The following MCM5 variants were observed in gnomAD, a reference collection of about 807,000 sequenced individuals.
MCM5 encodes DNA replication licensing factor MCM5.
Under a neutral mutation model 79.9 loss-of-function variants are expected in MCM5, and 46 were observed. The ratio of observed to expected loss-of-function variants is 0.58; its 90% CI spans 0.45 to 0.74. The LOEUF (loss-of-function observed/expected upper bound fraction) is 0.74, where lower values mean the gene tolerates loss of function less well. Among genes scored for constraint, MCM5 ranks in the 30% least tolerant of loss-of-function variants. The pLI is 0.00. For synonymous variants in MCM5, 404 were observed against 390.5 expected, an observed-to-expected ratio of 1.03 and a Z score of -0.41; for missense variants, 883 against 1,017.0, an observed-to-expected ratio of 0.87 and a Z score of 1.79.
At chr22:35,418,222 A>G (rs2071740) in intron 13 of MCM5, among the ~76,000 whole-genome samples, 14,580 of 152,196 alleles carry the variant, frequency 0.096, 760 homozygotes, top group East Asian at 0.13. Flanking sequence ...TGATTTCCCC[A>G]GGCCTATCGA....
the MCM5 span, among the ~76,000 whole-genome samples, chr22:35,438,674 C>CCCAT: frequency 1.1e-4 from 2 of 18,566 alleles, no homozygotes; most frequent in Non-Finnish European, 2.3e-4. Flanking sequence ...CACATATTCA[C>CCCAT]CCATCCATCC....
At chr22:35,451,315 C>T in the MCM5 span, among the ~76,000 whole-genome samples, 4 of 152,208 alleles carry the variant, frequency 2.6e-5, no homozygotes, top group Non-Finnish European at 2.9e-5. Context: ...GCCCAGGCAA[C>T]GGGAACATTT....
chr22:35,415,751 C>G, intron 9 of MCM5, 78 bp from the exon 10 acceptor site: 1 of 1,521,440 alleles, frequency 6.6e-7, no homozygotes, highest in Non-Finnish European at 9.0e-7. Flanking sequence ...CAAATCACAA[C>G]CTCAGTGGGT....
At chr22:35,432,632 C>A in the MCM5 span, among the ~76,000 whole-genome samples, 1 of 152,212 alleles carries the variant, frequency 6.6e-6, no homozygotes, top group African/African-American at 2.4e-5. Context: ...CAGTCACTAT[C>A]TAGTCCCTGG....
the MCM5 span, among the ~76,000 whole-genome samples, chr22:35,439,171 C>T: frequency 6.6e-6 from 1 of 150,890 alleles, no homozygotes; most frequent in African/African-American, 2.4e-5. Flanking sequence ...ATTCATCCAT[C>T]CACTCACCCG....
intron 7 of MCM5, 119 bp downstream of exon 7, chr22:35,411,029 C>T (rs2145790993): frequency 2.3e-6 from 2 of 856,122 alleles, no homozygotes; most frequent in African/African-American, 3.4e-5. Flanking sequence ...TTGCTCATAT[C>T]ATTAGAACGT....
In MCM5 at chr22:35,410,302, A is replaced by G. The variant is rs376713131; in HGVS notation, c.753-442A>G. On this transcript the variant is annotated intron_variant, in intron 6 of 16. Transcript: ENST00000216122. ...GAGCTCACAGAGCCATGAAGAGGCAAAAAGGGCGAGTGGCCCCTCAAGGAG... is the reference window on the plus strand; with the variant it reads ...GAGCTCACAGAGCCATGAAGAGGCAGAAAGGGCGAGTGGCCCCTCAAGGAG... The G allele has an allele frequency of 5.8e-5, 11 of 188,530 alleles. No homozygotes were observed. In the East Asian group the frequency reaches 8.2e-4, roughly 14 times the overall value. 11.7% of individuals were successfully genotyped at this position (188,530 alleles called of 1,614,324 possible). A position where few individuals can be genotyped will look rare whatever the true frequency, so the allele number is the denominator to read the frequency against.
intron 15 of MCM5, 120 bp from the exon 16 acceptor site, chr22:35,423,093 CT>C: frequency 1.7e-6 from 2 of 1,152,362 alleles, no homozygotes; most frequent in Non-Finnish European, 2.4e-6. Context: ...ACTCGGTGCC[CT>C]TTTCTGACTT....
the MCM5 span, among the ~76,000 whole-genome samples, chr22:35,446,870 C>G: frequency 6.6e-6 from 1 of 152,176 alleles, no homozygotes; most frequent in Non-Finnish European, 1.5e-5. Flanking sequence ...TAGTTCCCTC[C>G]GCAGAGACAA....
intron 4 of MCM5, among the ~76,000 whole-genome samples, chr22:35,405,321 A>G (rs1932179241): frequency 6.6e-6 from 1 of 151,744 alleles, no homozygotes; most frequent in African/African-American, 2.4e-5. Context: ...AGTCCCATAC[A>G]TCATATAATT....
chr22:35,444,166 GGAGA>G, the MCM5 span, among the ~76,000 whole-genome samples: 6 of 148,026 alleles, frequency 4.1e-5, no homozygotes, highest in East Asian at 2.0e-4. Flanking sequence ...CTGACAGGCA[GGAGA>G]GAGAGAGAGA....
chr22:35,413,794 A>C, intron 8 of MCM5, 81 bp from the exon 9 acceptor site: 1 of 830,044 alleles, frequency 1.2e-6, no homozygotes, highest in Admixed American at 1.8e-5. Context: ...GTCAACTGCC[A>C]GCCCACCAAT....
In MCM5 at chr22:35,400,447, A is replaced by T; in HGVS notation, c.9A>T (p.Gly3=). 1.2e-6 allele frequency: 2 copies of T among 1,614,030 alleles called. No homozygotes were observed. The highest frequency in any genetic ancestry group is 1.7e-6 in the Non-Finnish European group (2 of 1,179,944). The change falls in exon 2 of 17, where the codon GGA becomes GGT. Residue 3 remains glycine, a synonymous_variant. Coordinates refer to ENST00000216122, the MANE Select transcript of MCM5 (RefSeq NM_006739.4). MS[G]FDDPGIFYSD... ...CCACCCCAGGCGCAGTCATGTCGGG[A>T]TTCGACGATCCTGGCATTTTCTACA...
rs1932119958 is a variant in MCM5 at position 35,403,455 on chromosome 22, GC to G, written c.340del (p.Arg114GlyfsTer27). ...AKEVADEVTR[P>X]RPSGEEVLQD... ...AGGAGGTAGCTGATGAGGTGACCCG[GC>G]CCCGGCCTTCTGGGGAGGAGGTGCT... On this transcript the variant is annotated frameshift_variant, in exon 4 of 17. Coordinates refer to ENST00000216122, the MANE Select transcript of MCM5 (RefSeq NM_006739.4). LOFTEE classifies it high-confidence loss of function. 3 of 1,614,208 alleles carry G rather than the reference GC, an allele frequency of 1.9e-6. No individual in the cohort carries two copies. The highest frequency in any genetic ancestry group is 1.1e-5 in the South Asian group (1 of 91,078).
chr22:35,427,707 C>T (rs1286250498), downstream of MCM5, among the ~76,000 whole-genome samples: 4 of 151,802 alleles, frequency 2.6e-5, no homozygotes, highest in East Asian at 5.8e-4. Flanking sequence ...GCCCCCCACC[C>T]CCCACAAATG....
At chr22:35,453,819 T>TATATATATATATATATAGAGAGAGAG in the MCM5 span, among the ~76,000 whole-genome samples, 3 of 81,544 alleles carry the variant, frequency 3.7e-5, no homozygotes, top group East Asian at 6.8e-4. Flanking sequence ...TATATATATA[T>TATATATATATATATATAGAGAGAGAG]AGAGAGAGAG....
rs1159410781 is a variant in MCM5 at position 35,423,915 on chromosome 22, G to A, written c.2104-239G>A. The A allele has an allele frequency of 2.3e-5, 11 of 487,796 alleles. 1 individual carries two copies. Among genetic ancestry groups the A allele is most frequent in the Admixed American group, 4.0e-5 (1 of 24,948 alleles). The allele number at this position is 487,796 out of a possible 1,614,324, so 30.2% of individuals were successfully genotyped here. On this transcript the variant is annotated intron_variant, in intron 16 of 16. Transcript: ENST00000216122. ...GGCTTAGAGAAAGGTTTAGAGCTTC[G>A]GTTCTAGAGTCAGATGGGACTTAAG...
intron 8 of MCM5, among the ~76,000 whole-genome samples, chr22:35,413,110 TC>T (rs1932435330): frequency 6.6e-6 from 1 of 151,634 alleles, no homozygotes; most frequent in African/African-American, 2.4e-5. Context: ...TGGTGTGATC[TC>T]GGCTCACTGC....
At chr22:35,428,991 T>TC (rs1232402881), downstream of MCM5, among the ~76,000 whole-genome samples, 8 of 140,596 alleles carry the variant, frequency 5.7e-5, no homozygotes, top group East Asian at 2.0e-4. Context: ...TTTTTTTTTT[T>TC]TTTTTTCTTT....
Sources: gnomAD v4.1 joint callset for allele counts (sites outside exome capture counted in the v4.1 genomes callset) on GRCh38, gnomAD v4.1.1 for gene constraint, MANE v1.5 for transcripts, NCBI Gene and HGNC (gene_info 2026-07-23, HGNC 2026-07-21) for gene names.